NR2F1-AS1: variants seen among roughly 807,000 people sequenced by gnomAD.
NR2F1-AS1 encodes NR2F1 regulatory antisense RNA 1, also known as NR2F1 antisense RNA 1.
intron 4 of NR2F1-AS1, among the ~76,000 whole-genome samples, chr5:93,528,451 A>T (rs1751666973): frequency 6.6e-6 from 1 of 152,170 alleles, no homozygotes; most frequent in African/African-American, 2.4e-5. Context: ...CACTGTTGGT[A>T]GAGTATAAAT....
At chr5:93,506,427 C>T (rs901826452) in intron 4 of NR2F1-AS1, among the ~76,000 whole-genome samples, 2 of 152,158 alleles carry the variant, frequency 1.3e-5, no homozygotes. Context: ...TTCAGCAACA[C>T]CCCACTCTAC....
At chr5:93,582,270 A>AT (rs1453320893), upstream of NR2F1-AS1, among the ~76,000 whole-genome samples, 3 of 135,940 alleles carry the variant, frequency 2.2e-5, no homozygotes, top group Admixed American at 7.3e-5. Context: ...CAGCCAGGTG[A>AT]TAAAAAAAAA....
intron 4 of NR2F1-AS1, among the ~76,000 whole-genome samples, chr5:93,497,865 T>G (rs1750997390): frequency 6.6e-6 from 1 of 152,234 alleles, no homozygotes; most frequent in African/African-American, 2.4e-5. Context: ...TAGAACTGCA[T>G]GAATTCATCA....
At chr5:93,447,075 T>C (rs970188268) in intron 4 of NR2F1-AS1, among the ~76,000 whole-genome samples, 3 of 152,150 alleles carry the variant, frequency 2.0e-5, no homozygotes, top group Admixed American at 6.5e-5. Flanking sequence ...AAGACTTAAA[T>C]ATTAGACCTA....
intron 4 of NR2F1-AS1, among the ~76,000 whole-genome samples, chr5:93,548,678 C>G (rs1026883840): frequency 2.0e-5 from 3 of 151,286 alleles, no homozygotes; most frequent in Non-Finnish European, 4.4e-5. Context: ...GCTTGGCCAA[C>G]ATGGTGAGAC....
chr5:93,557,393 G>A (rs1236146202), intron 2 of NR2F1-AS1, among the ~76,000 whole-genome samples: 8 of 152,122 alleles, frequency 5.3e-5, no homozygotes, highest in Admixed American at 4.6e-4. Context: ...ATATCTTGAA[G>A]ATATTCCAAG....
chr5:93,500,594 TCTGCAGCC>T (rs1751058081), intron 4 of NR2F1-AS1, among the ~76,000 whole-genome samples: 1 of 152,172 alleles, frequency 6.6e-6, no homozygotes, highest in Non-Finnish European at 1.5e-5. Flanking sequence ...CAACATCCAT[TCTGCAGCC>T]CATAGATCAA....
intron 4 of NR2F1-AS1, among the ~76,000 whole-genome samples, chr5:93,481,356 C>G (rs1457652488): frequency 1.1e-4 from 17 of 151,626 alleles, no homozygotes; most frequent in Admixed American, 1.0e-3. Context: ...AACTAGAGAG[C>G]CTGAGAATAT....
chr5:93,466,014 G>A (rs1750222450), intron 4 of NR2F1-AS1, among the ~76,000 whole-genome samples: 1 of 151,836 alleles, frequency 6.6e-6, no homozygotes, highest in South Asian at 2.1e-4. Context: ...CATGGCACAT[G>A]TATACATATG....
At chr5:93,476,436 TG>T (rs1458660912) in intron 4 of NR2F1-AS1, among the ~76,000 whole-genome samples, 6 of 152,174 alleles carry the variant, frequency 3.9e-5, no homozygotes, top group Non-Finnish European at 8.8e-5. Flanking sequence ...CTGAATTCAT[TG>T]GCCCCACAGT....
chr5:93,440,089 T>G (rs1179732344), intron 4 of NR2F1-AS1, among the ~76,000 whole-genome samples: 2 of 152,128 alleles, frequency 1.3e-5, no homozygotes, highest in Non-Finnish European at 2.9e-5. Context: ...TACAATCTTT[T>G]TAAAAAGGAG....
At chr5:93,484,599 C>CA (rs921067734) in intron 4 of NR2F1-AS1, among the ~76,000 whole-genome samples, 2 of 152,000 alleles carry the variant, frequency 1.3e-5, no homozygotes, top group Non-Finnish European at 2.9e-5. Flanking sequence ...TCACACAGAA[C>CA]AATATTAACC....
intron 4 of NR2F1-AS1, among the ~76,000 whole-genome samples, chr5:93,523,749 T>C (rs1751553793): frequency 6.6e-6 from 1 of 152,168 alleles, no homozygotes; most frequent in Admixed American, 6.5e-5. Flanking sequence ...CCAGCAGACC[T>C]GTAGCAGAGA....
chr5:93,435,735 C>T (rs1324453567), intron 4 of NR2F1-AS1, among the ~76,000 whole-genome samples: 5 of 152,188 alleles, frequency 3.3e-5, no homozygotes, highest in Non-Finnish European at 2.9e-5. Flanking sequence ...CCTTCTTTGA[C>T]TACTTTATTG....
In NR2F1-AS1 at chr5:93,466,606, G is replaced by C. The variant is rs1866383; in HGVS notation, n.639-71064C>G. ...GCCCACCTCAGCCTCCCAAAGTGCT[G>C]GGATTACAGGTGTGAGCCACCACAC... On this transcript the variant is annotated intron_variant and non_coding_transcript_variant, in intron 4 of 5. Transcript: ENST00000660523. Among the ~76,000 whole-genome samples the C allele has an allele frequency of 2.6e-3, 398 of 151,828 alleles. 2 individuals carry two copies. Among genetic ancestry groups the C allele is most frequent in the African/African-American group, 9.0e-3 (373 of 41,426 alleles).
At chr5:93,443,877 G>A (rs1305372504) in intron 4 of NR2F1-AS1, among the ~76,000 whole-genome samples, 1 of 152,232 alleles carries the variant, frequency 6.6e-6, no homozygotes, top group Non-Finnish European at 1.5e-5. Context: ...CAAGCCAGAA[G>A]AGAGTGGGGG....
chr5:93,524,594 G>C (rs1751572291), intron 4 of NR2F1-AS1, among the ~76,000 whole-genome samples: 1 of 152,120 alleles, frequency 6.6e-6, no homozygotes, highest in South Asian at 2.1e-4. Context: ...ACAATGTTAA[G>C]GGCAGCCAGA....
At chr5:93,490,154 T>A (rs1283880554) in intron 4 of NR2F1-AS1, among the ~76,000 whole-genome samples, 2 of 151,884 alleles carry the variant, frequency 1.3e-5, no homozygotes, top group African/African-American at 4.9e-5. Context: ...TAAAGATGAT[T>A]CTAGCTTGTT....
chr5:93,567,910 G>C (rs1014386589), intron 1 of NR2F1-AS1, among the ~76,000 whole-genome samples: 1 of 152,122 alleles, frequency 6.6e-6, no homozygotes, highest in African/African-American at 2.4e-5. Context: ...AATCAGTATG[G>C]TCAAATATCT....
Sources: allele counts gnomAD v4.1 joint callset (sites outside exome capture counted in the v4.1 genomes callset), GRCh38; gene constraint gnomAD v4.1.1; transcripts MANE v1.5; gene names NCBI Gene and HGNC (gene_info 2026-07-23, HGNC 2026-07-21).